The following SAMMSON variants were observed in gnomAD, a reference collection of about 807,000 sequenced individuals.
The protein encoded by SAMMSON is long intergenic non-protein coding RNA 1212.
At chr3:70,269,130 G>A (rs1002375989) in intron 6 of SAMMSON, among the ~76,000 whole-genome samples, 6 of 151,988 alleles carry the variant, frequency 3.9e-5, no homozygotes, top group Non-Finnish European at 7.4e-5. Context: ...TATTTACAAG[G>A]CTGACATATC....
At chr3:70,393,363 G>A (rs535396927), downstream of SAMMSON, among the ~76,000 whole-genome samples, 2 of 152,156 alleles carry the variant, frequency 1.3e-5, no homozygotes, top group Non-Finnish European at 2.9e-5. Context: ...AAAGTGCTTT[G>A]TACGATGCTT....
chr3:70,235,409 C>T (rs1701597887), intron 4 of SAMMSON, among the ~76,000 whole-genome samples: 3 of 152,188 alleles, frequency 2.0e-5, no homozygotes, highest in East Asian at 1.9e-4. Flanking sequence ...AATTGGCTTC[C>T]GTCTCCTCGC....
intron 4 of SAMMSON, among the ~76,000 whole-genome samples, chr3:70,230,140 G>A (rs1028859217): frequency 4.6e-5 from 7 of 152,120 alleles, no homozygotes; most frequent in African/African-American, 7.2e-5. Context: ...TGGTCAGGCC[G>A]AAATTGAAAT....
chr3:70,281,182 G>C (rs143707479), intron 6 of SAMMSON, among the ~76,000 whole-genome samples: 1,669 of 152,216 alleles, frequency 0.011, 21 homozygotes, highest in African/African-American at 0.037. Flanking sequence ...TTTTAGTGTA[G>C]TTGTCAGGAT....
At chr3:70,398,521 C>T (rs956004948) in intron 2 of SAMMSON, among the ~76,000 whole-genome samples, 2 of 152,176 alleles carry the variant, frequency 1.3e-5, no homozygotes, top group Admixed American at 6.5e-5. Context: ...GAACAGCACA[C>T]ATCTTTGTGT....
chr3:70,276,833 C>A (rs1216743123), intron 6 of SAMMSON, among the ~76,000 whole-genome samples: 1 of 152,146 alleles, frequency 6.6e-6, no homozygotes, highest in Non-Finnish European at 1.5e-5. Flanking sequence ...TGCCCCAACA[C>A]AGAAAAAAAT....
rs904711513 is a variant in SAMMSON, at chr3:70,161,695, A to T, written n.508-87412A>T. Among the ~76,000 whole-genome samples, 3 of 151,826 alleles carry T rather than the reference A, an allele frequency of 2.0e-5. No homozygotes were observed. The South Asian group carries it at 6.2e-4, about 31-fold the overall frequency. On this transcript the variant is annotated intron_variant and non_coding_transcript_variant, in intron 4 of 9. Coordinates refer to ENST00000642114, the Ensembl canonical transcript of SAMMSON. Reference sequence around the variant, plus strand: ...TAGAATGCCCTCATAAAATGATTTCAGAAGTTTTTCTTCCTCTTTTATTTT... The same window carrying T: ...TAGAATGCCCTCATAAAATGATTTCTGAAGTTTTTCTTCCTCTTTTATTTT...
intron 4 of SAMMSON, among the ~76,000 whole-genome samples, chr3:70,227,252 T>C (rs1414342654): frequency 6.6e-6 from 1 of 152,226 alleles, no homozygotes; most frequent in Non-Finnish European, 1.5e-5. Context: ...ACTGTTCTTT[T>C]TAAAATTAAT....
intron 4 of SAMMSON, among the ~76,000 whole-genome samples, chr3:70,083,364 T>C (rs1031086066): frequency 1.3e-5 from 2 of 152,188 alleles, no homozygotes; most frequent in Non-Finnish European, 2.9e-5. Context: ...GTCATCTCTC[T>C]TCTTGTTCAA....
chr3:70,093,942 C>A (rs1353982501), intron 4 of SAMMSON, among the ~76,000 whole-genome samples: 1 of 152,018 alleles, frequency 6.6e-6, no homozygotes, highest in East Asian at 1.9e-4. Flanking sequence ...GTTTTGCAAC[C>A]CCTAACCTTC....
intron 4 of SAMMSON, among the ~76,000 whole-genome samples, chr3:70,191,884 CT>C (rs1187985675): frequency 2.1e-5 from 2 of 95,380 alleles, no homozygotes; most frequent in Non-Finnish European, 4.6e-5. Flanking sequence ...GACTCTTTCC[CT>C]AAAAAAAAAA....
chr3:70,169,632 T>A (rs868278080), intron 4 of SAMMSON, among the ~76,000 whole-genome samples: 92 of 110,456 alleles, frequency 8.3e-4, no homozygotes, highest in African/African-American at 3.1e-3. Context: ...TTTAGAGAGG[T>A]CTTTTCTTTT....
intron 4 of SAMMSON, among the ~76,000 whole-genome samples, chr3:70,188,521 G>A (rs1034956429): frequency 3.3e-5 from 5 of 152,198 alleles, no homozygotes; most frequent in Non-Finnish European, 7.3e-5. Context: ...TCCTGGAGGA[G>A]TGAACAGGAA....
intron 4 of SAMMSON, among the ~76,000 whole-genome samples, chr3:70,103,834 G>T (rs2067355319): frequency 6.6e-6 from 1 of 151,884 alleles, no homozygotes; most frequent in African/African-American, 2.4e-5. Context: ...ACACATTCTT[G>T]CAAAAAATGA....
intron 4 of SAMMSON, among the ~76,000 whole-genome samples, chr3:70,137,972 C>T (rs2067512786): frequency 6.6e-6 from 1 of 151,980 alleles, no homozygotes; most frequent in Non-Finnish European, 1.5e-5. Flanking sequence ...TCATGTTGTT[C>T]TGAGTTGCTA....
intron 4 of SAMMSON, among the ~76,000 whole-genome samples, chr3:70,143,774 T>C (rs1003764688): frequency 6.6e-6 from 1 of 152,172 alleles, no homozygotes; most frequent in Non-Finnish European, 1.5e-5. Flanking sequence ...CCATTCTTTG[T>C]TGATTTCCCT....
rs190581119 is a variant in SAMMSON at position 70,299,938 on chromosome 3, C to G, written n.739+8695C>G. ...TCACACTCCCACACACGCCCTTTCT[C>G]CAGTCAAACGTAGCTATCGTTCTCT... On this transcript the variant is annotated intron_variant and non_coding_transcript_variant, in intron 7 of 9. Coordinates refer to ENST00000642114, the Ensembl canonical transcript of SAMMSON. Among the ~76,000 whole-genome samples the G allele has an allele frequency of 1.1e-3, 174 of 152,214 alleles. 2 individuals are homozygous for G. Among genetic ancestry groups the G allele is most frequent in the Admixed American group, 0.011 (165 of 15,272 alleles).
chr3:70,423,270 T>G (rs1351076612), intron 2 of SAMMSON, among the ~76,000 whole-genome samples: 1 of 152,186 alleles, frequency 6.6e-6, no homozygotes, highest in African/African-American at 2.4e-5. Flanking sequence ...TGTGCTTTTC[T>G]GTAATTTACA....
chr3:70,110,479 A>G (rs2067384300), intron 4 of SAMMSON, among the ~76,000 whole-genome samples: 1 of 152,176 alleles, frequency 6.6e-6, no homozygotes, highest in Non-Finnish European at 1.5e-5. Flanking sequence ...TGTAGAAATA[A>G]TGCAGCTGGT....
Sources: gnomAD v4.1 joint callset for allele counts (sites outside exome capture counted in the v4.1 genomes callset) on GRCh38, gnomAD v4.1.1 for gene constraint, MANE v1.5 for transcripts, NCBI Gene and HGNC (gene_info 2026-07-23, HGNC 2026-07-21) for gene names.